The following ANO6 variants were observed in gnomAD, a reference collection of about 807,000 sequenced individuals.
ANO6 encodes the protein anoctamin 6.
In ANO6, 106 loss-of-function variants were observed where a neutral mutation model predicts 117.5. That is an observed-to-expected ratio of 0.90 (90% CI 0.77 to 1.06). The LOEUF is 1.06. Ranked by LOEUF, ANO6 falls within the 50% of genes least tolerant of loss-of-function variation. The probability of loss-of-function intolerance (pLI) is 0.00; values close to 1 mark genes in which losing one functional copy is unlikely to be tolerated. For missense variants in ANO6, 955 were observed against 1,121.1 expected, an observed-to-expected ratio of 0.85 and a Z score of 2.12; for synonymous variants, 367 against 385.1, an observed-to-expected ratio of 0.95 and a Z score of 0.55.
Position 45,357,337 on chromosome 12 carries a change from A to G in ANO6, c.911A>G (p.Tyr304Cys), listed in dbSNP as rs1157920639. Residue 304 changes from tyrosine (Y) to cysteine (C), a missense_variant, in exon 8 of 20, where the codon TAT (tyrosine) becomes TGT (cysteine). By Grantham distance (194) the Tyr-to-Cys change is radical (BLOSUM62 -2). Transcript: ENST00000320560. The part of the protein sequence containing the change: ...KIGIYFAWLG[Y>C]YTQMLLLAAV... ...GGAATCTACTTTGCTTGGCTGGGCTATTACACTCAGATGCTTCTCCTGGCC... is the reference window on the plus strand; with the variant it reads ...GGAATCTACTTTGCTTGGCTGGGCTGTTACACTCAGATGCTTCTCCTGGCC... 11 of 1,613,956 alleles carry G rather than the reference A, an allele frequency of 6.8e-6. No homozygotes were observed. The highest frequency in any genetic ancestry group is 4.4e-5 in the South Asian group (4 of 91,078).
At chr12:45,332,021 T>C (rs1940681093) in intron 3 of ANO6, among the ~76,000 whole-genome samples, 2 of 152,172 alleles carry the variant, frequency 1.3e-5, no homozygotes, top group Admixed American at 6.6e-5. Flanking sequence ...CTTTCATTCA[T>C]TGCATTGCCA....
At chr12:45,377,391 T>G (rs1007835032) in intron 9 of ANO6, among the ~76,000 whole-genome samples, 2 of 152,176 alleles carry the variant, frequency 1.3e-5, no homozygotes, top group Non-Finnish European at 2.9e-5. Context: ...AAATAAAGCC[T>G]TATTTGGCCA....
intron 2 of ANO6, among the ~76,000 whole-genome samples, chr12:45,303,319 G>T (rs1939558445): frequency 6.6e-6 from 1 of 152,224 alleles, no homozygotes; most frequent in East Asian, 1.9e-4. Flanking sequence ...GAGCAATTTT[G>T]TGGGTTTTCT....
At chr12:45,428,945 C>T (rs1402954270) in intron 19 of ANO6, among the ~76,000 whole-genome samples, 160 bp from the exon 20 acceptor site, 1 of 152,168 alleles carries the variant, frequency 6.6e-6, no homozygotes, top group Admixed American at 6.5e-5. Context: ...GCTAGAGCCA[C>T]ACTGTTGATT....
At chr12:45,403,281 G>T in intron 14 of ANO6, 40 bp downstream of exon 14, 1 of 1,602,256 alleles carries the variant, frequency 6.2e-7, no homozygotes, top group South Asian at 1.1e-5. Flanking sequence ...AGTTTAAGCT[G>T]AGTTTTCTCT....
intron 1 of ANO6, among the ~76,000 whole-genome samples, chr12:45,277,194 A>C (rs1017235339): frequency 3.7e-4 from 57 of 152,346 alleles, no homozygotes; most frequent in African/African-American, 1.3e-3. Flanking sequence ...AATTTTGGTA[A>C]GATCAGTATG....
intron 1 of ANO6, among the ~76,000 whole-genome samples, chr12:45,261,691 G>A (rs982718740): frequency 7.9e-5 from 12 of 152,308 alleles, no homozygotes; most frequent in African/African-American, 2.9e-4. Context: ...TTGAGGTGTT[G>A]CAGACTGGCT....
chr12:45,332,871 G>A (rs376541492), intron 3 of ANO6, among the ~76,000 whole-genome samples: 229 of 152,150 alleles, frequency 1.5e-3, no homozygotes, highest in African/African-American at 4.5e-3. Context: ...CATCAGTTGT[G>A]CTCATATGCT....
At chr12:45,288,154 T>A (rs1279047259) in intron 1 of ANO6, among the ~76,000 whole-genome samples, 2 of 152,182 alleles carry the variant, frequency 1.3e-5, no homozygotes, top group Admixed American at 6.5e-5. Context: ...AGAAAGCACC[T>A]ACTGCCTGGT....
At chr12:45,351,400 C>A (rs1481305536) in intron 7 of ANO6, among the ~76,000 whole-genome samples, 1 of 152,200 alleles carries the variant, frequency 6.6e-6, no homozygotes, top group Non-Finnish European at 1.5e-5. Flanking sequence ...CCAAGGTACC[C>A]TGTTGGTTTT....
At chr12:45,340,190 T>C (rs1592987063) in intron 3 of ANO6, among the ~76,000 whole-genome samples, 1 of 152,108 alleles carries the variant, frequency 6.6e-6, no homozygotes, top group East Asian at 1.9e-4. Flanking sequence ...CTGTCCTTTG[T>C]GATTTTGATT....
chr12:45,430,148 G>A lies in ANO6; in HGVS notation c.*837G>A. Reference sequence around the variant, plus strand: ...GATAATTAATCTTTTCTAAAGATGTGTAGTTTCTTGGAAAACAGTGATATC... The same window carrying A: ...GATAATTAATCTTTTCTAAAGATGTATAGTTTCTTGGAAAACAGTGATATC... On this transcript the variant is annotated 3_prime_UTR_variant, in exon 20 of 20. Transcript: ENST00000320560. The A allele has an allele frequency of 1.0e-6, 1 of 985,334 alleles. No homozygotes were observed. The allele number at this position is 985,334 out of a possible 1,614,324, so 61.0% of individuals were successfully genotyped here.
intron 7 of ANO6, among the ~76,000 whole-genome samples, chr12:45,353,816 G>A (rs957541111): frequency 1.3e-4 from 20 of 152,260 alleles, no homozygotes; most frequent in African/African-American, 4.6e-4. Flanking sequence ...GACAAGGGCA[G>A]GGTCCTATAA....
At chr12:45,371,360 C>T (rs1941829861) in intron 9 of ANO6, among the ~76,000 whole-genome samples, 1 of 152,234 alleles carries the variant, frequency 6.6e-6, no homozygotes, top group Non-Finnish European at 1.5e-5. Flanking sequence ...GACCCCACCA[C>T]AGCTCAAGGA....
chr12:45,417,038 T>A, intron 17 of ANO6, 134 bp downstream of exon 17: 1 of 863,516 alleles, frequency 1.2e-6, no homozygotes, highest in Non-Finnish European at 1.8e-6. Context: ...ATGATATAGT[T>A]GCTATATATA....
At chr12:45,415,201 T>C (rs996674010) in intron 16 of ANO6, among the ~76,000 whole-genome samples, 2 of 149,712 alleles carry the variant, frequency 1.3e-5, no homozygotes, top group Non-Finnish European at 3.0e-5. Flanking sequence ...ATCCTACCAC[T>C]CATTCATTCA....
Position 45,216,307 on chromosome 12 carries a change from C to T in ANO6, c.-15C>T. On this transcript the variant is annotated 5_prime_UTR_variant, in exon 1 of 20. Transcript: ENST00000320560. Reference sequence around the variant, plus strand: ...CAACTTCGCGCCAAGTTCGGAGCCGCCTTCTGAGGGAGACATGAAAAAGAT... The same window carrying T: ...CAACTTCGCGCCAAGTTCGGAGCCGTCTTCTGAGGGAGACATGAAAAAGAT... 1 of 1,603,324 alleles carries T rather than the reference C, an allele frequency of 6.2e-7. No individual in the cohort carries two copies. The highest frequency in any genetic ancestry group is 8.5e-7 in the Non-Finnish European group (1 of 1,174,770).
intron 12 of ANO6, among the ~76,000 whole-genome samples, chr12:45,394,182 C>G (rs1942542157): frequency 6.6e-6 from 1 of 152,042 alleles, no homozygotes; most frequent in African/African-American, 2.4e-5. Context: ...CAAAAAAAAG[C>G]AGGGGTTGCA....
At chr12:45,422,889 T>TG in intron 18 of ANO6, 68 bp from the exon 19 acceptor site, 1 of 1,217,428 alleles carries the variant, frequency 8.2e-7, no homozygotes, top group Non-Finnish European at 1.2e-6. Context: ...TCTTTTTAAA[T>TG]GGGGCCTTTG....
Sources: gnomAD v4.1 joint callset for allele counts (sites outside exome capture counted in the v4.1 genomes callset) on GRCh38, gnomAD v4.1.1 for gene constraint, MANE v1.5 for transcripts, NCBI Gene and HGNC (gene_info 2026-07-23, HGNC 2026-07-21) for gene names.